Variants in ELF1 observed in about 807,000 individuals in gnomAD.
ELF1 encodes the protein E74 like ETS transcription factor 1, also known as ETS-related transcription factor Elf-1.
ELF1 carries 24 observed loss-of-function variants against 59.9 expected under a neutral mutation model. The observed-to-expected ratio is 0.40, with a 90% confidence interval of 0.29 to 0.56. ELF1 has a LOEUF of 0.56. Ranked by LOEUF, ELF1 falls within the 20% of genes least tolerant of loss-of-function variation. The probability of loss-of-function intolerance (pLI) is 0.44; values close to 1 mark genes in which losing one functional copy is unlikely to be tolerated. For missense variants in ELF1, 627 were observed against 742.2 expected (o/e 0.84, Z 1.80); for synonymous variants, 248 against 266.2 (o/e 0.93, Z 0.67).
intron 8 of ELF1, among the ~76,000 whole-genome samples, chr13:40,940,448 T>A (rs1302184461): frequency 6.9e-6 from 1 of 144,496 alleles, no homozygotes; most frequent in African/African-American, 2.6e-5. Flanking sequence ...TCTGCCACTC[T>A]AAAAGAGGAC....
chr13:41,039,853 T>C (rs1437611728), intron 1 of ELF1, among the ~76,000 whole-genome samples: 1 of 152,170 alleles, frequency 6.6e-6, no homozygotes, highest in Non-Finnish European at 1.5e-5. Context: ...AAAGCTATTG[T>C]TAATTGAAAC....
intron 1 of ELF1, among the ~76,000 whole-genome samples, chr13:41,057,420 G>A (rs182774068): frequency 3.8e-4 from 57 of 151,714 alleles, no homozygotes; most frequent in African/African-American, 1.3e-3. Context: ...CCGAGATGGA[G>A]TCTCTCTCTG....
intron 2 of ELF1, among the ~76,000 whole-genome samples, chr13:40,967,979 T>C (rs898616310): frequency 2.0e-5 from 3 of 152,196 alleles, no homozygotes; most frequent in Non-Finnish European, 4.4e-5. Flanking sequence ...TTGATTTTGT[T>C]TTATTTTTAA....
intron 1 of ELF1, among the ~76,000 whole-genome samples, chr13:41,043,555 T>C (rs1189615611): frequency 3.3e-5 from 5 of 152,252 alleles, no homozygotes; most frequent in African/African-American, 7.2e-5. Context: ...ATTTATTAAA[T>C]AGGGAATCCT....
At chr13:40,974,462 C>T (rs1475974736) in intron 2 of ELF1, among the ~76,000 whole-genome samples, 2 of 152,170 alleles carry the variant, frequency 1.3e-5, no homozygotes, top group African/African-American at 2.4e-5. Flanking sequence ...TGCTTCCCTT[C>T]GCTGAGCCTC....
intron 1 of ELF1, among the ~76,000 whole-genome samples, chr13:40,988,285 A>G (rs556336919): frequency 6.2e-4 from 95 of 152,358 alleles, no homozygotes; most frequent in African/African-American, 2.2e-3. Context: ...AAGAAAAAAG[A>G]ATTTAGGCCT....
At chr13:41,022,686 G>C (rs1274360959), upstream of ELF1, among the ~76,000 whole-genome samples, 1 of 152,170 alleles carries the variant, frequency 6.6e-6, no homozygotes, top group African/African-American at 2.4e-5. Flanking sequence ...TTCGAGACCA[G>C]GCTGGCCAAC....
chr13:41,032,410 G>A (rs1026043401), intron 1 of ELF1, among the ~76,000 whole-genome samples: 2 of 151,612 alleles, frequency 1.3e-5, no homozygotes, highest in Non-Finnish European at 2.9e-5. Flanking sequence ...TAGCGACAGG[G>A]TTTTACCATG....
chr13:40,987,810 TA>T (rs1873639837), intron 1 of ELF1, among the ~76,000 whole-genome samples: 1 of 152,142 alleles, frequency 6.6e-6, no homozygotes, highest in Non-Finnish European at 1.5e-5. Context: ...AATGCTACAG[TA>T]ACTCTAGACA....
intron 3 of ELF1, among the ~76,000 whole-genome samples, chr13:40,954,481 T>C (rs974602596): frequency 6.6e-6 from 1 of 150,548 alleles, no homozygotes; most frequent in Non-Finnish European, 1.5e-5. Context: ...CTTTCCACGG[T>C]CTCCCCCTGA....
At chr13:41,013,470 T>C (rs1427280491) in intron 1 of ELF1, among the ~76,000 whole-genome samples, 1 of 152,134 alleles carries the variant, frequency 6.6e-6, no homozygotes, top group Non-Finnish European at 1.5e-5. Context: ...CTACAGAATA[T>C]ATGGTGTGAT....
intron 1 of ELF1, among the ~76,000 whole-genome samples, chr13:41,003,070 T>C (rs9566654): frequency 0.14 from 21,304 of 152,226 alleles, 1,777 homozygotes; most frequent in East Asian, 0.33. Context: ...TGTTTTCATA[T>C]GTTTGTTTTA....
At chr13:41,040,852 A>T (rs575231640) in intron 1 of ELF1, among the ~76,000 whole-genome samples, 1 of 152,190 alleles carries the variant, frequency 6.6e-6, no homozygotes, top group African/African-American at 2.4e-5. Context: ...TCTATGACTC[A>T]TATTTGTTAC....
chr13:40,999,796 A>T (rs1345951838), intron 1 of ELF1, among the ~76,000 whole-genome samples: 9 of 152,220 alleles, frequency 5.9e-5, no homozygotes, highest in African/African-American at 1.7e-4. Context: ...TATTCTGCTC[A>T]GGGTGTGGCA....
exon 1 of ELF1, chr13:41,060,908 T>TGCCGCC (rs1157339207): frequency 7.3e-6 from 2 of 275,306 alleles, no homozygotes; most frequent in East Asian, 1.0e-4. Context: ...CTACTGAAGC[T>TGCCGCC]GCTGCTGCCG....
At chr13:41,045,730 A>G (rs1005224507) in intron 1 of ELF1, among the ~76,000 whole-genome samples, 3 of 152,144 alleles carry the variant, frequency 2.0e-5, no homozygotes, top group African/African-American at 7.2e-5. Context: ...TAAGTGCGAT[A>G]TGGTGCTGAG....
chr13:41,046,917 T>A (rs552231914), intron 1 of ELF1, among the ~76,000 whole-genome samples: 8 of 152,248 alleles, frequency 5.3e-5, no homozygotes, highest in Non-Finnish European at 2.9e-5. Flanking sequence ...CACTTTCAGG[T>A]ACACCAATGA....
At position 41,038,996 on chromosome 13, in the gene ELF1, G is replaced by A. The variant is rs1028276379; in HGVS notation, c.-229+21842C>T. On this transcript the variant is annotated intron_variant, in intron 1 of 1. Coordinates refer to the ELF1 transcript ENST00000405737. ...CCACTGCACTCCAGTCTGGGTGACAGAGACTTTGTCAAAAAAAAAAAAAAA... is the reference window on the plus strand; with the variant it reads ...CCACTGCACTCCAGTCTGGGTGACAAAGACTTTGTCAAAAAAAAAAAAAAA... Among the ~76,000 whole-genome samples the A allele has an allele frequency of 2.8e-4, 33 of 116,544 alleles. No individual in the cohort carries two copies. The East Asian group carries it at 7.9e-3, about 28-fold the overall frequency. 76.5% of individuals were successfully genotyped at this position (116,544 alleles called of 152,430 possible).
intron 1 of ELF1, among the ~76,000 whole-genome samples, chr13:41,058,302 C>T (rs1485285266): frequency 5.9e-5 from 9 of 152,230 alleles, no homozygotes; most frequent in Non-Finnish European, 1.2e-4. Flanking sequence ...GCCAAACCGA[C>T]TACTTGCCAG....
Sources: allele counts gnomAD v4.1 joint callset (sites outside exome capture counted in the v4.1 genomes callset), GRCh38; gene constraint gnomAD v4.1.1; transcripts MANE v1.5; gene names NCBI Gene and HGNC (gene_info 2026-07-23, HGNC 2026-07-21).